AGMO: variants seen among roughly 807,000 people sequenced by gnomAD.
AGMO encodes the protein glyceryl-ether monooxygenase.
Under a neutral mutation model 60.2 loss-of-function variants are expected in AGMO, and 75 were observed. The observed-to-expected ratio is 1.25, with a 90% CI of 1.03 to 1.51. The LOEUF (loss-of-function observed/expected upper bound fraction) is 1.51, where lower values mean the gene tolerates loss of function less well. Ranked by LOEUF, AGMO falls within the 40% of genes most tolerant of loss-of-function variation. The pLI, the probability that AGMO is intolerant of heterozygous loss-of-function variation, is 0.00. For missense variants in AGMO, 763 were observed against 525.5 expected (o/e 1.45, Z -4.42); for synonymous variants, 261 against 177.1 (o/e 1.47, Z -3.76).
chr7:15,417,733 G>T (rs947098309), intron 5 of AGMO, among the ~76,000 whole-genome samples: 4 of 152,112 alleles, frequency 2.6e-5, no homozygotes, highest in African/African-American at 9.7e-5. Context: ...CAGGTTAATG[G>T]AATAATGCAC....
the AGMO span, among the ~76,000 whole-genome samples, chr7:15,172,494 T>C: frequency 6.6e-6 from 1 of 152,206 alleles, no homozygotes; most frequent in East Asian, 1.9e-4. Context: ...ATGCCTAGAT[T>C]GACTAAAGCA....
intron 12 of AGMO, among the ~76,000 whole-genome samples, chr7:15,324,439 T>A (rs981246057): frequency 6.6e-6 from 1 of 152,100 alleles, no homozygotes; most frequent in Non-Finnish European, 1.5e-5. Flanking sequence ...TCTCAAGGCA[T>A]TTTCTTTATA....
At chr7:15,525,317 G>A (rs921756877) in intron 3 of AGMO, among the ~76,000 whole-genome samples, 5 of 151,958 alleles carry the variant, frequency 3.3e-5, no homozygotes, top group Admixed American at 3.3e-4. Context: ...ATAAATCTGC[G>A]GACTAGATTG....
intron 12 of AGMO, among the ~76,000 whole-genome samples, chr7:15,361,290 A>G (rs1562457826): frequency 6.6e-6 from 1 of 151,938 alleles, no homozygotes; most frequent in East Asian, 1.9e-4. Context: ...AAAAAAAAAA[A>G]GATCTTTGGG....
intron 12 of AGMO, among the ~76,000 whole-genome samples, chr7:15,312,195 G>T (rs369689505): frequency 6.6e-6 from 1 of 152,010 alleles, no homozygotes; most frequent in South Asian, 2.1e-4. Flanking sequence ...ACTGGGTAGA[G>T]GCAATATCAG....
intron 5 of AGMO, among the ~76,000 whole-genome samples, chr7:15,404,476 G>A (rs28483099): frequency 0.11 from 17,036 of 151,788 alleles, 1,031 homozygotes; most frequent in South Asian, 0.15. Context: ...TAAACAACAC[G>A]GAGTAGATTT....
chr7:15,159,135 G>GT, the AGMO span, among the ~76,000 whole-genome samples: 1 of 151,994 alleles, frequency 6.6e-6, no homozygotes, highest in Non-Finnish European at 1.5e-5. Flanking sequence ...CACCCCATGT[G>GT]TTACCACAAA....
At chr7:15,450,110 C>A (rs1421627939) in intron 3 of AGMO, among the ~76,000 whole-genome samples, 1 of 152,088 alleles carries the variant, frequency 6.6e-6, no homozygotes, top group Non-Finnish European at 1.5e-5. Flanking sequence ...TTGATTGCAT[C>A]AACTAAACAT....
In AGMO at chr7:15,368,951, T is replaced by G. The variant is rs534489120; in HGVS notation, c.1075-2729A>C. Among the ~76,000 whole-genome samples, 10 of 152,234 alleles carry G rather than the reference T, an allele frequency of 6.6e-5. No homozygotes were observed. The East Asian group carries it at 1.9e-3, about 30-fold the overall frequency. ...GTGAACGGGCAACTGAAACTTGGCA[T>G]GACTAAAACACTGCCTTTGAGCTCC... On this transcript the variant is annotated intron_variant, in intron 10 of 12. Coordinates refer to ENST00000342526, the MANE Select transcript of AGMO (RefSeq NM_001004320.2).
chr7:15,366,350 G>C (rs1782979417), intron 10 of AGMO, 128 bp from the exon 11 acceptor site: 2 of 560,876 alleles, frequency 3.6e-6, no homozygotes, highest in African/African-American at 1.9e-5. Context: ...ACACTTTACA[G>C]AAAGCTTGAC....
intron 3 of AGMO, among the ~76,000 whole-genome samples, chr7:15,525,517 C>T (rs981480616): frequency 3.3e-5 from 5 of 152,078 alleles, no homozygotes; most frequent in African/African-American, 4.8e-5. Context: ...CCCGTAAAAG[C>T]CCCAGCTGAG....
At chr7:15,444,701 A>G (rs562284077) in intron 3 of AGMO, among the ~76,000 whole-genome samples, 60 of 151,882 alleles carry the variant, frequency 4.0e-4, no homozygotes, top group African/African-American at 1.4e-3. Flanking sequence ...GTTTTTCTCA[A>G]CTCCTCACTC....
chr7:15,181,499 C>T, the AGMO span, among the ~76,000 whole-genome samples: 1 of 152,122 alleles, frequency 6.6e-6, no homozygotes, highest in South Asian at 2.1e-4. Context: ...TTCTATCTTT[C>T]TAATCATTTC....
intron 5 of AGMO, among the ~76,000 whole-genome samples, chr7:15,410,956 C>T (rs1354634751): frequency 6.6e-6 from 1 of 151,882 alleles, no homozygotes; most frequent in African/African-American, 2.4e-5. Flanking sequence ...CCCTCTGAAA[C>T]TCATATTGAA....
At chr7:15,278,863 G>T (rs1428238144) in intron 12 of AGMO, among the ~76,000 whole-genome samples, 1 of 152,130 alleles carries the variant, frequency 6.6e-6, no homozygotes, top group Non-Finnish European at 1.5e-5. Context: ...TACTCACATG[G>T]GGACAGGGTG....
chr7:15,456,505 G>A (rs945059806), intron 3 of AGMO, among the ~76,000 whole-genome samples: 1 of 152,070 alleles, frequency 6.6e-6, no homozygotes, highest in Non-Finnish European at 1.5e-5. Context: ...CTATGTTCAG[G>A]TTACTTCTCT....
the AGMO span, among the ~76,000 whole-genome samples, chr7:15,120,676 T>TA: frequency 6.6e-6 from 1 of 152,238 alleles, no homozygotes; most frequent in East Asian, 1.9e-4. Flanking sequence ...TCCAGAACTG[T>TA]AAAAAATACA....
chr7:15,422,274 T>C (rs930326426), intron 4 of AGMO, among the ~76,000 whole-genome samples: 6 of 149,920 alleles, frequency 4.0e-5, no homozygotes, highest in Non-Finnish European at 8.8e-5. Flanking sequence ...ATATTACCTG[T>C]TTATTTTTTT....
intron 12 of AGMO, among the ~76,000 whole-genome samples, chr7:15,287,540 G>A (rs915877647): frequency 6.6e-6 from 1 of 152,070 alleles, no homozygotes; most frequent in Non-Finnish European, 1.5e-5. Flanking sequence ...ATCTTGCTAA[G>A]AAAGTCATGA....
Sources: gnomAD v4.1 joint callset for allele counts (sites outside exome capture counted in the v4.1 genomes callset) on GRCh38, gnomAD v4.1.1 for gene constraint, MANE v1.5 for transcripts, NCBI Gene and HGNC (gene_info 2026-07-23, HGNC 2026-07-21) for gene names.